The following SGCZ variants were observed in gnomAD, a reference collection of about 807,000 sequenced individuals.
SGCZ encodes zeta-sarcoglycan.
SGCZ carries 40 observed loss-of-function variants against 41.3 expected under a neutral mutation model. The observed-to-expected ratio is 0.97, with a 90% confidence interval of 0.75 to 1.26. The LOEUF (loss-of-function observed/expected upper bound fraction) is 1.26. Ranked by LOEUF, SGCZ falls within the 50% of genes most tolerant of loss-of-function variation. The pLI, the probability that SGCZ is intolerant of heterozygous loss-of-function variation, is 0.00. For missense variants in SGCZ, 552 were observed against 369.8 expected (o/e 1.49, Z -4.04); for synonymous variants, 206 against 137.5 (o/e 1.50, Z -3.49).
intron 1 of SGCZ, among the ~76,000 whole-genome samples, chr8:14,755,901 A>C (rs1799651184): frequency 1.3e-5 from 2 of 152,194 alleles, no homozygotes; most frequent in Non-Finnish European, 2.9e-5. Context: ...AAAACTATAC[A>C]TTGAATGAAA....
At chr8:14,847,568 T>C (rs1396942569) in intron 1 of SGCZ, among the ~76,000 whole-genome samples, 1 of 150,910 alleles carries the variant, frequency 6.6e-6, no homozygotes, top group Non-Finnish European at 1.5e-5. Flanking sequence ...CTTAATAAAA[T>C]GTCTTTTTCT....
At chr8:14,488,617 T>C (rs1465511140) in intron 2 of SGCZ, among the ~76,000 whole-genome samples, 1 of 152,052 alleles carries the variant, frequency 6.6e-6, no homozygotes, top group African/African-American at 2.4e-5. Flanking sequence ...GCCCCAATCT[T>C]TCCATCGCTG....
intron 2 of SGCZ, among the ~76,000 whole-genome samples, chr8:14,509,049 A>G (rs769244255): frequency 6.6e-6 from 1 of 152,154 alleles, no homozygotes; most frequent in Non-Finnish European, 1.5e-5. Context: ...ACATTTGTTC[A>G]CTCTCATTAG....
intron 1 of SGCZ, among the ~76,000 whole-genome samples, chr8:14,849,671 G>A (rs1007697418): frequency 6.6e-6 from 1 of 152,094 alleles, no homozygotes; most frequent in Admixed American, 6.6e-5. Context: ...TGGTTCTGAG[G>A]AAGTATCAGG....
At chr8:14,845,744 A>C (rs1459673333) in intron 1 of SGCZ, among the ~76,000 whole-genome samples, 5 of 152,220 alleles carry the variant, frequency 3.3e-5, no homozygotes, top group African/African-American at 1.2e-4. Context: ...AGAAGAAAAG[A>C]CTAGTGAACT....
At chr8:15,187,024 T>G (rs891462887) in intron 1 of SGCZ, among the ~76,000 whole-genome samples, 4 of 152,154 alleles carry the variant, frequency 2.6e-5, no homozygotes, top group Non-Finnish European at 5.9e-5. Context: ...ATATAAAGCA[T>G]TACGTCCAAT....
chr8:14,561,243 T>C (rs1200592435), intron 1 of SGCZ, among the ~76,000 whole-genome samples: 1 of 152,182 alleles, frequency 6.6e-6, no homozygotes, highest in Non-Finnish European at 1.5e-5. Flanking sequence ...TATTCTGAAA[T>C]ACATTGTTTT....
At chr8:14,344,016 C>G (rs569690784) in intron 2 of SGCZ, among the ~76,000 whole-genome samples, 1 of 151,966 alleles carries the variant, frequency 6.6e-6, no homozygotes, top group South Asian at 2.1e-4. Flanking sequence ...GAAGGAACTG[C>G]AATCCACGAA....
chr8:15,001,314 C>T (rs969148882), intron 1 of SGCZ, among the ~76,000 whole-genome samples: 1 of 152,186 alleles, frequency 6.6e-6, no homozygotes, highest in Non-Finnish European at 1.5e-5. Context: ...CTTTCTGCGG[C>T]TGTTGGATGC....
intron 1 of SGCZ, among the ~76,000 whole-genome samples, chr8:14,735,049 G>C (rs1477212255): frequency 1.3e-5 from 2 of 152,116 alleles, no homozygotes; most frequent in African/African-American, 4.8e-5. Context: ...ATGAAGCATA[G>C]AATACACAAA....
chr8:14,148,733 CA>C (rs1264125726), intron 5 of SGCZ, among the ~76,000 whole-genome samples: 1 of 151,770 alleles, frequency 6.6e-6, no homozygotes, highest in African/African-American at 2.4e-5. Context: ...AAAGACACAT[CA>C]AAAAAAGAAA....
At chr8:14,786,343 G>T (rs951025482) in intron 1 of SGCZ, among the ~76,000 whole-genome samples, 3 of 151,956 alleles carry the variant, frequency 2.0e-5, no homozygotes, top group African/African-American at 7.3e-5. Flanking sequence ...TTACTCTGAG[G>T]AATTAGTATG....
intron 1 of SGCZ, among the ~76,000 whole-genome samples, chr8:14,557,232 T>C (rs1316377759): frequency 6.6e-6 from 1 of 151,982 alleles, no homozygotes; most frequent in African/African-American, 2.4e-5. Context: ...TGTATATCTT[T>C]TTTTTGAGAA....
At chr8:14,771,271 A>C (rs1800227520) in intron 1 of SGCZ, among the ~76,000 whole-genome samples, 1 of 152,118 alleles carries the variant, frequency 6.6e-6, no homozygotes, top group African/African-American at 2.4e-5. Context: ...GTCAGAGGAG[A>C]GAGGGAAAGA....
At chr8:15,036,683 C>G (rs1194158109) in intron 1 of SGCZ, among the ~76,000 whole-genome samples, 1 of 152,054 alleles carries the variant, frequency 6.6e-6, no homozygotes, top group East Asian at 1.9e-4. Flanking sequence ...CAATTATTCT[C>G]AAATTCTTCC....
intron 1 of SGCZ, among the ~76,000 whole-genome samples, chr8:14,570,073 G>A (rs912360939): frequency 1.3e-5 from 2 of 151,744 alleles, no homozygotes; most frequent in African/African-American, 4.9e-5. Flanking sequence ...TCTCTGCCTA[G>A]CATCAAATGA....
chr8:14,941,777 A>C (rs969501974), intron 1 of SGCZ, among the ~76,000 whole-genome samples: 9 of 151,696 alleles, frequency 5.9e-5, no homozygotes, highest in Non-Finnish European at 1.0e-4. Flanking sequence ...ATTTTAAATT[A>C]TCTCTTAACA....
At chr8:14,134,314 C>T (rs1407024009) in intron 5 of SGCZ, among the ~76,000 whole-genome samples, 1 of 152,120 alleles carries the variant, frequency 6.6e-6, no homozygotes, top group Non-Finnish European at 1.5e-5. Context: ...CCAGAACATA[C>T]ACACTTTCAG....
At chr8:14,829,914 C>T (rs1802469044) in intron 1 of SGCZ, among the ~76,000 whole-genome samples, 1 of 152,124 alleles carries the variant, frequency 6.6e-6, no homozygotes. Flanking sequence ...CGGGTTCACG[C>T]CATTCTCCTG....
Sources: gnomAD v4.1 joint callset for allele counts (sites outside exome capture counted in the v4.1 genomes callset) on GRCh38, gnomAD v4.1.1 for gene constraint, MANE v1.5 for transcripts, NCBI Gene and HGNC (gene_info 2026-07-23, HGNC 2026-07-21) for gene names.